UBOX5: variants seen among roughly 807,000 people sequenced by gnomAD.
UBOX5 encodes the protein RING finger protein 37.
In UBOX5, 28 loss-of-function variants were observed where a neutral mutation model predicts 39.0. The ratio of observed to expected loss-of-function variants is 0.72; its 90% CI spans 0.53 to 0.98. UBOX5 has a LOEUF of 0.98. Ranked by LOEUF, UBOX5 falls within the 50% of genes least tolerant of loss-of-function variation. UBOX5 has a pLI of 0.00. For synonymous variants in UBOX5, 283 were observed against 275.5 expected (o/e 1.03, Z -0.27); for missense variants, 585 against 674.4 (o/e 0.87, Z 1.47).
At chr20:3,116,854 G>C (rs1017570332) in intron 3 of UBOX5, 2 of 152,264 alleles carry the variant, frequency 1.3e-5, no homozygotes, top group African/African-American at 4.8e-5. Flanking sequence ...CCAGCACTTT[G>C]GGAGGCTGAG....
intron 3 of UBOX5, among the ~76,000 whole-genome samples, chr20:3,120,663 A>G (rs2066328254): frequency 6.6e-6 from 1 of 151,582 alleles, no homozygotes. Context: ...AAAAAAAAAG[A>G]TTGTTGCAAT....
intron 4 of UBOX5, among the ~76,000 whole-genome samples, chr20:3,113,505 G>A (rs761883485): frequency 2.0e-5 from 3 of 152,104 alleles, no homozygotes; most frequent in Non-Finnish European, 4.4e-5. Flanking sequence ...CTATGAGTAT[G>A]ATGAGCCACA....
At chr20:3,146,693 C>T in intron 1 of UBOX5, 3 of 1,476,402 alleles carry the variant, frequency 2.0e-6, no homozygotes, top group Non-Finnish European at 2.7e-6. Context: ...GCCAAACTTA[C>T]ATTCTGGCTT....
intron 1 of UBOX5, among the ~76,000 whole-genome samples, chr20:3,152,871 A>G (rs2066645744): frequency 6.6e-6 from 1 of 151,964 alleles, no homozygotes; most frequent in Admixed American, 6.6e-5. Context: ...ATACTACTGC[A>G]TTGCAGCCTG....
intron 1 of UBOX5, among the ~76,000 whole-genome samples, chr20:3,155,750 C>T (rs1473790235): frequency 6.6e-6 from 1 of 152,174 alleles, no homozygotes; most frequent in African/African-American, 2.4e-5. Flanking sequence ...AGTGCAAGCA[C>T]TTTCTACTAC....
intron 1 of UBOX5, among the ~76,000 whole-genome samples, chr20:3,133,803 G>A (rs770055496): frequency 2.0e-5 from 3 of 151,710 alleles, no homozygotes; most frequent in Non-Finnish European, 2.9e-5. Flanking sequence ...TTGGAAAGCA[G>A]TGGTGCAATC....
In UBOX5 at chr20:3,122,264, G is replaced by C; in HGVS notation, c.375C>G (p.Asn125Lys). The C allele has an allele frequency of 1.2e-6, 2 of 1,614,228 alleles. No individual in the cohort carries two copies. The highest frequency in any genetic ancestry group is 1.7e-6 in the Non-Finnish European group (2 of 1,180,034). The change falls in exon 3 of 5, where the codon AAC (asparagine) becomes AAG (lysine). Residue 125 changes from asparagine (N) to lysine (K), a missense_variant. Asn to Lys is a moderately conservative substitution (Grantham distance 94). Coordinates refer to ENST00000217173, the MANE Select transcript of UBOX5 (RefSeq NM_014948.4). The part of the protein sequence containing the change: ...FTLVGKVLLK[N>K]QSQVVFSHRG... ...TGTGGCTAAACACCACTTGGCTCTG[G>C]TTTTTCAGTAAGACTTTGCCTACCA...
In UBOX5 at chr20:3,121,586, T is replaced by G. The variant is rs775585000; in HGVS notation, c.1053A>C (p.Ala351=). 3 of 1,605,022 alleles carry G rather than the reference T, an allele frequency of 1.9e-6. No homozygotes were observed. In the South Asian group the frequency reaches 3.3e-5, roughly 18 times the overall value. The part of the protein sequence containing the change: ...HLLGRAQTAL[A]VIPSSIVLPS... The stretch of plus-strand genomic sequence containing the variant: ...GCAGAACAATGGAAGAAGGGATCAC[T>G]GCCAATGCCGTCTGTGCTCTCCCAA... Residue 351 remains alanine, a synonymous_variant, in exon 3 of 5, where the codon GCA becomes GCC. Coordinates refer to ENST00000217173, the MANE Select transcript of UBOX5 (RefSeq NM_014948.4).
At chr20:3,145,611 T>TC (rs2066554819) in intron 1 of UBOX5, among the ~76,000 whole-genome samples, 1 of 152,004 alleles carries the variant, frequency 6.6e-6, no homozygotes, top group South Asian at 2.1e-4. Flanking sequence ...GCTAATTTTA[T>TC]TTTTTTGCAG....
intron 4 of UBOX5, among the ~76,000 whole-genome samples, chr20:3,113,119 CAAAAAAA>C (rs34287965): frequency 8.2e-6 from 1 of 121,982 alleles, no homozygotes; most frequent in Non-Finnish European, 1.8e-5. Context: ...ACTAAATATA[CAAAAAAA>C]AAAAAAAAAA....
intron 1 of UBOX5, among the ~76,000 whole-genome samples, chr20:3,137,770 T>A (rs2066484229): frequency 6.6e-6 from 1 of 152,198 alleles, no homozygotes; most frequent in African/African-American, 2.4e-5. Context: ...CACAAGAATT[T>A]CATGTTATCC....
chr20:3,146,625 T>TA, intron 1 of UBOX5: 1 of 822,504 alleles, frequency 1.2e-6, no homozygotes, highest in South Asian at 1.7e-5. Flanking sequence ...CACAGTAACA[T>TA]ACACTAGCTC....
intron 4 of UBOX5, among the ~76,000 whole-genome samples, chr20:3,111,049 G>A (rs2066250176): frequency 6.6e-6 from 1 of 152,070 alleles, no homozygotes; most frequent in Non-Finnish European, 1.5e-5. Context: ...CTCCTGTGCT[G>A]CCCTGGCCCT....
intron 1 of UBOX5, among the ~76,000 whole-genome samples, chr20:3,126,480 C>T (rs558745432): frequency 1.4e-4 from 21 of 145,416 alleles, no homozygotes; most frequent in East Asian, 6.0e-4. Context: ...TCCCCCTCTC[C>T]GAGAAACACC....
intron 1 of UBOX5, among the ~76,000 whole-genome samples, chr20:3,157,580 T>C (rs2122135759): frequency 6.6e-6 from 1 of 152,334 alleles, no homozygotes; most frequent in Admixed American, 6.5e-5. Flanking sequence ...GATGATTCTG[T>C]TAGAGCTACT....
chr20:3,147,482 C>T (rs1377295153), intron 1 of UBOX5: 1 of 1,614,038 alleles, frequency 6.2e-7, no homozygotes, highest in East Asian at 2.2e-5. Flanking sequence ...AAGACGATTG[C>T]CTCTGTAATC....
intron 4 of UBOX5, among the ~76,000 whole-genome samples, chr20:3,114,945 C>T (rs2066281845): frequency 6.6e-6 from 1 of 151,934 alleles, no homozygotes; most frequent in African/African-American, 2.4e-5. Context: ...GAGATGCAGT[C>T]TCAAATAAAT....
At chr20:3,151,102 A>C (rs1028724944) in intron 1 of UBOX5, among the ~76,000 whole-genome samples, 2 of 151,918 alleles carry the variant, frequency 1.3e-5, no homozygotes, top group Non-Finnish European at 2.9e-5. Context: ...GGAGTCTCAC[A>C]ATGTTGCCAA....
intron 1 of UBOX5, among the ~76,000 whole-genome samples, chr20:3,156,447 G>C (rs544447277): frequency 1.3e-5 from 2 of 152,232 alleles, no homozygotes; most frequent in South Asian, 4.1e-4. Flanking sequence ...CCAAAGTACT[G>C]AGTACAGGCA....
Sources: allele counts gnomAD v4.1 joint callset (sites outside exome capture counted in the v4.1 genomes callset), GRCh38; gene constraint gnomAD v4.1.1; transcripts MANE v1.5; gene names NCBI Gene and HGNC (gene_info 2026-07-23, HGNC 2026-07-21).